The following HMGCLL1 variants were observed in gnomAD, a reference collection of about 807,000 sequenced individuals.
The protein encoded by HMGCLL1 is 3-hydroxymethyl-3-methylglutaryl-CoA lyase, cytoplasmic.
Under a neutral mutation model 39.1 loss-of-function variants are expected in HMGCLL1, and 36 were observed. The observed-to-expected ratio is 0.92, with a 90% CI of 0.71 to 1.22. The LOEUF (loss-of-function observed/expected upper bound fraction) is 1.22, where lower values mean the gene tolerates loss of function less well. Ranked by LOEUF, HMGCLL1 falls within the 50% of genes most tolerant of loss-of-function variation. HMGCLL1 has a pLI of 0.00. For missense variants in HMGCLL1, 451 were observed against 416.5 expected, an observed-to-expected ratio of 1.08 and a Z score of -0.72; for synonymous variants, 149 against 144.0, an observed-to-expected ratio of 1.03 and a Z score of -0.25.
intron 1 of HMGCLL1, among the ~76,000 whole-genome samples, chr6:55,561,265 A>G (rs1166921577): frequency 6.6e-6 from 1 of 152,176 alleles, no homozygotes; most frequent in Non-Finnish European, 1.5e-5. Flanking sequence ...CATCTTTAAA[A>G]CATTGATCCT....
chr6:55,553,099 T>C (rs7776259), intron 1 of HMGCLL1, among the ~76,000 whole-genome samples: 129,096 of 150,618 alleles, frequency 0.86, 55,435 homozygotes, highest in African/African-American at 0.89. Context: ...GCCGAGATCG[T>C]GCCATTGCAC....
At chr6:55,450,444 C>T (rs558966119) in intron 7 of HMGCLL1, among the ~76,000 whole-genome samples, 2 of 152,318 alleles carry the variant, frequency 1.3e-5, no homozygotes, top group East Asian at 1.9e-4. Context: ...CCTCTGTTCC[C>T]TCAACTGTAA....
chr6:55,591,573 C>G, the HMGCLL1 span, among the ~76,000 whole-genome samples: 1 of 151,122 alleles, frequency 6.6e-6, no homozygotes, highest in Non-Finnish European at 1.5e-5. Flanking sequence ...TTTCCTTTCC[C>G]TTTTTTTCCC....
chr6:55,572,569 A>G (rs1771562646), intron 1 of HMGCLL1, among the ~76,000 whole-genome samples: 1 of 152,106 alleles, frequency 6.6e-6, no homozygotes, highest in Admixed American at 6.5e-5. Context: ...TTTCCATACA[A>G]TATTTTTCAT....
At chr6:55,617,669 G>A in the HMGCLL1 span, among the ~76,000 whole-genome samples, 7 of 152,206 alleles carry the variant, frequency 4.6e-5, no homozygotes, top group East Asian at 9.7e-4. Context: ...ATTTTCATCC[G>A]CTGCTGGTGG....
At chr6:55,663,665 G>A in the HMGCLL1 span, among the ~76,000 whole-genome samples, 2 of 151,956 alleles carry the variant, frequency 1.3e-5, no homozygotes, top group South Asian at 4.1e-4. Context: ...TTTAGGTGGA[G>A]AGCTCTGGAG....
At chr6:55,574,003 C>T (rs1221798392) in intron 1 of HMGCLL1, among the ~76,000 whole-genome samples, 1 of 152,006 alleles carries the variant, frequency 6.6e-6, no homozygotes, top group Non-Finnish European at 1.5e-5. Flanking sequence ...AACTGGCTTC[C>T]ACTGTATCTG....
At chr6:55,650,285 T>C in the HMGCLL1 span, among the ~76,000 whole-genome samples, 1 of 151,240 alleles carries the variant, frequency 6.6e-6, no homozygotes, top group Non-Finnish European at 1.5e-5. Context: ...ACTTATCACA[T>C]AGTCTTCATA....
At chr6:55,583,343 C>T (rs1351149408), upstream of HMGCLL1, among the ~76,000 whole-genome samples, 1 of 151,868 alleles carries the variant, frequency 6.6e-6, no homozygotes, top group Non-Finnish European at 1.5e-5. Flanking sequence ...TATCCCTCCC[C>T]TCTCCCCCCA....
chr6:55,553,375 T>G (rs1489246121), intron 1 of HMGCLL1, among the ~76,000 whole-genome samples: 1 of 150,770 alleles, frequency 6.6e-6, no homozygotes, highest in Non-Finnish European at 1.5e-5. Context: ...GAGGCGGAGG[T>G]TGTGGTGAAT....
intron 1 of HMGCLL1, among the ~76,000 whole-genome samples, chr6:55,571,958 T>C (rs1000895551): frequency 5.9e-5 from 9 of 152,194 alleles, no homozygotes; most frequent in Non-Finnish European, 1.0e-4. Flanking sequence ...TTAAAGCACT[T>C]AATTTTTAAA....
At chr6:55,640,228 G>A in the HMGCLL1 span, among the ~76,000 whole-genome samples, 6 of 152,214 alleles carry the variant, frequency 3.9e-5, no homozygotes, top group Middle Eastern at 0.017. Context: ...AGATGTTCAT[G>A]CAATACTCCA....
chr6:55,618,211 T>A, the HMGCLL1 span, among the ~76,000 whole-genome samples: 1 of 152,046 alleles, frequency 6.6e-6, no homozygotes, highest in African/African-American at 2.4e-5. Context: ...GTCTGGGGTC[T>A]GGTAATGTTC....
intron 7 of HMGCLL1, among the ~76,000 whole-genome samples, chr6:55,458,641 T>G (rs1225561019): frequency 1.3e-5 from 2 of 152,158 alleles, no homozygotes; most frequent in Non-Finnish European, 2.9e-5. Context: ...ATGAAGACAG[T>G]GTTGCAAAGT....
At chr6:55,654,130 T>C in the HMGCLL1 span, among the ~76,000 whole-genome samples, 28 of 152,002 alleles carry the variant, frequency 1.8e-4, no homozygotes, top group African/African-American at 6.5e-4. Flanking sequence ...CACCTAATCC[T>C]ACCTTTCAGC....
intron 7 of HMGCLL1, among the ~76,000 whole-genome samples, chr6:55,480,246 C>G (rs1234634309): frequency 6.6e-6 from 1 of 151,286 alleles, no homozygotes; most frequent in Non-Finnish European, 1.5e-5. Flanking sequence ...ATTAATAACC[C>G]GAATATACAA....
chr6:55,460,914 T>C (rs1314447045), intron 7 of HMGCLL1, among the ~76,000 whole-genome samples: 1 of 151,992 alleles, frequency 6.6e-6, no homozygotes, highest in Admixed American at 6.6e-5. Context: ...CTAGCAACAA[T>C]GAAATATTTA....
the HMGCLL1 span, among the ~76,000 whole-genome samples, chr6:55,614,128 A>G: frequency 6.6e-6 from 1 of 152,142 alleles, no homozygotes; most frequent in African/African-American, 2.4e-5. Flanking sequence ...GGAAATATGC[A>G]GATGTCTTAT....
intron 1 of HMGCLL1, among the ~76,000 whole-genome samples, chr6:55,551,880 T>G (rs1770345475): frequency 1.3e-5 from 2 of 152,026 alleles, no homozygotes; most frequent in Non-Finnish European, 2.9e-5. Flanking sequence ...AATTCCAATT[T>G]GCTTGGGACA....
Sources: allele counts gnomAD v4.1 joint callset (sites outside exome capture counted in the v4.1 genomes callset), GRCh38; gene constraint gnomAD v4.1.1; transcripts MANE v1.5; gene names NCBI Gene and HGNC (gene_info 2026-07-23, HGNC 2026-07-21).